The following MARCHF1 variants were observed in gnomAD, a reference collection of about 807,000 sequenced individuals.
MARCHF1 encodes membrane associated ring-CH-type finger 1.
MARCHF1 carries 40 observed loss-of-function variants against 54.2 expected under a neutral mutation model. The observed-to-expected ratio is 0.74, with a 90% CI of 0.57 to 0.96. The LOEUF (loss-of-function observed/expected upper bound fraction) is 0.96. Ranked by LOEUF, MARCHF1 falls within the 40% of genes least tolerant of loss-of-function variation. The probability of loss-of-function intolerance (pLI) is 0.00; values close to 1 mark genes in which losing one functional copy is unlikely to be tolerated. For missense variants in MARCHF1, 586 were observed against 656.5 expected (o/e 0.89, Z 1.17); for synonymous variants, 236 against 236.3 (o/e 1.00, Z 0.01).
chr4:163,695,865 T>C (rs1375316848), intron 5 of MARCHF1, among the ~76,000 whole-genome samples: 1 of 152,124 alleles, frequency 6.6e-6, no homozygotes, highest in African/African-American at 2.4e-5. Context: ...CTTTTCTTCT[T>C]GAGGAACCTA....
intron 3 of MARCHF1, among the ~76,000 whole-genome samples, chr4:163,902,731 A>G (rs1750968410): frequency 6.6e-6 from 1 of 152,170 alleles, no homozygotes; most frequent in Non-Finnish European, 1.5e-5. Flanking sequence ...TGTTTCTAGA[A>G]AGCTTCCAAT....
At chr4:163,682,814 C>T (rs573965168) in intron 5 of MARCHF1, among the ~76,000 whole-genome samples, 6 of 152,114 alleles carry the variant, frequency 3.9e-5, no homozygotes, top group East Asian at 1.9e-4. Flanking sequence ...CTGCTATAAC[C>T]GTAAGTTTCC....
chr4:164,089,051 G>C (rs1755248078), intron 2 of MARCHF1, among the ~76,000 whole-genome samples: 2 of 152,064 alleles, frequency 1.3e-5, no homozygotes, highest in African/African-American at 4.8e-5. Flanking sequence ...ATTTAGCTGA[G>C]AGCTTTACAT....
chr4:163,829,329 A>G (rs901915358), intron 4 of MARCHF1, among the ~76,000 whole-genome samples: 8 of 152,176 alleles, frequency 5.3e-5, no homozygotes, highest in Non-Finnish European at 1.2e-4. Flanking sequence ...ATTCTGCCAT[A>G]TAGAGACACA....
chr4:163,833,077 A>G (rs570650750), intron 4 of MARCHF1, among the ~76,000 whole-genome samples: 4 of 152,158 alleles, frequency 2.6e-5, no homozygotes, highest in Admixed American at 2.0e-4. Context: ...TCATAGCAGC[A>G]TGATTTATAG....
chr4:163,576,307 T>C (rs866641025), intron 8 of MARCHF1, among the ~76,000 whole-genome samples: 1 of 152,118 alleles, frequency 6.6e-6, no homozygotes, highest in African/African-American at 2.4e-5. Context: ...TCAAAAGTCA[T>C]TTAGGATTAA....
At chr4:164,214,277 G>A (rs1731866119) in intron 1 of MARCHF1, among the ~76,000 whole-genome samples, 2 of 152,078 alleles carry the variant, frequency 1.3e-5, no homozygotes, top group South Asian at 4.1e-4. Flanking sequence ...ACAGTAAATG[G>A]ATTAAGTTAC....
chr4:163,555,842 C>T (rs1478841560), intron 8 of MARCHF1: 1 of 432,324 alleles, frequency 2.3e-6, no homozygotes, highest in African/African-American at 2.0e-5. Context: ...GGCTCTTCGC[C>T]TCTTACCTCT....
At chr4:164,264,020 C>G (rs1029452045) in intron 1 of MARCHF1, among the ~76,000 whole-genome samples, 2 of 152,160 alleles carry the variant, frequency 1.3e-5, no homozygotes, top group African/African-American at 4.8e-5. Flanking sequence ...ATAAATAATT[C>G]TACCATAAAG....
chr4:164,246,838 C>G (rs991788038), intron 1 of MARCHF1, among the ~76,000 whole-genome samples: 2 of 128,978 alleles, frequency 1.6e-5, no homozygotes, highest in African/African-American at 5.6e-5. Context: ...ATTTATGCAG[C>G]CAAAAAACAC....
At chr4:164,225,419 C>T (rs571986186) in intron 1 of MARCHF1, among the ~76,000 whole-genome samples, 485 of 152,068 alleles carry the variant, frequency 3.2e-3, no homozygotes, top group Admixed American at 4.7e-3. Flanking sequence ...AGACTGCTGT[C>T]TTCTAAAGGA....
chr4:164,292,869 C>T (rs1368472557), intron 1 of MARCHF1, among the ~76,000 whole-genome samples: 1 of 152,088 alleles, frequency 6.6e-6, no homozygotes, highest in East Asian at 1.9e-4. Flanking sequence ...GACAAGATTG[C>T]CTTCCCTACA....
At chr4:164,006,415 A>C (rs919058818) in intron 2 of MARCHF1, among the ~76,000 whole-genome samples, 1 of 150,476 alleles carries the variant, frequency 6.6e-6, no homozygotes, top group African/African-American at 2.5e-5. Flanking sequence ...GAAAATACAC[A>C]GTCAGAGGAG....
Position 163,985,508 on chromosome 4 carries a change from A to G in MARCHF1, c.-39+2993T>C, listed in dbSNP as rs1579441269. ...TACTTTTTAAAATCTTAAAATATAAAAGATCTATGCTGTTAAAAAATCAAC... is the reference window on the plus strand; with the variant it reads ...TACTTTTTAAAATCTTAAAATATAAGAGATCTATGCTGTTAAAAAATCAAC... On this transcript the variant is annotated intron_variant, in intron 3 of 9. Transcript: ENST00000514618. 3.3e-5 allele frequency among the ~76,000 whole-genome samples: 5 copies of G among 152,310 alleles called. No homozygotes were observed. The South Asian group carries it at 1.0e-3, about 32-fold the overall frequency.
At chr4:163,937,243 A>G (rs182623194) in intron 3 of MARCHF1, among the ~76,000 whole-genome samples, 53 of 152,280 alleles carry the variant, frequency 3.5e-4, no homozygotes, top group African/African-American at 1.2e-3. Flanking sequence ...GAAATTAGTC[A>G]ATACATACAT....
intron 3 of MARCHF1, among the ~76,000 whole-genome samples, chr4:163,974,185 A>G (rs1269158260): frequency 6.6e-6 from 1 of 152,166 alleles, no homozygotes; most frequent in African/African-American, 2.4e-5. Context: ...CCTAATTTTG[A>G]ATAGGGTGAG....
chr4:163,768,449 TAGAA>T (rs1056417431), intron 4 of MARCHF1, among the ~76,000 whole-genome samples: 36 of 152,218 alleles, frequency 2.4e-4, no homozygotes, highest in African/African-American at 6.8e-4. Context: ...TTAAATTAGT[TAGAA>T]AGACATGTAG....
intron 5 of MARCHF1, among the ~76,000 whole-genome samples, chr4:163,689,274 G>C (rs759923270): frequency 4.6e-5 from 7 of 152,216 alleles, no homozygotes; most frequent in Non-Finnish European, 1.0e-4. Flanking sequence ...TAGGATGTAA[G>C]AACTTGAAAA....
chr4:163,537,269 TGTC>T (rs1306603662), intron 9 of MARCHF1, among the ~76,000 whole-genome samples: 1 of 152,184 alleles, frequency 6.6e-6, no homozygotes, highest in Non-Finnish European at 1.5e-5. Context: ...CACAGCCAAT[TGTC>T]TTCTTACATT....
Sources: gnomAD v4.1 joint callset for allele counts (sites outside exome capture counted in the v4.1 genomes callset) on GRCh38, gnomAD v4.1.1 for gene constraint, MANE v1.5 for transcripts, NCBI Gene and HGNC (gene_info 2026-07-23, HGNC 2026-07-21) for gene names.